KIF1A: variants seen among roughly 807,000 people sequenced by gnomAD.
KIF1A encodes the protein kinesin-like protein KIF1A.
KIF1A carries 46 observed loss-of-function variants against 227.3 expected under a neutral mutation model. The observed-to-expected ratio is 0.20, with a 90% CI of 0.16 to 0.26. KIF1A has a LOEUF of 0.26. Among genes scored for constraint, KIF1A ranks in the 10% least tolerant of loss-of-function variants. KIF1A has a pLI of 1.00. For synonymous variants in KIF1A, 1,022 were observed against 1,012.8 expected, an observed-to-expected ratio of 1.01 and a Z score of -0.17; for missense variants, 1,683 against 2,485.9, an observed-to-expected ratio of 0.68 and a Z score of 6.87.
At chr2:240,782,745 A>C in intron 9 of KIF1A, 138 bp from the exon 10 acceptor site, 1 of 917,320 alleles carries the variant, frequency 1.1e-6, no homozygotes, top group East Asian at 2.6e-5. Context: ...CCTAGACAGC[A>C]GCTCCCCCAG....
upstream of KIF1A, among the ~76,000 whole-genome samples, chr2:240,820,510 C>CG (rs1029851161): frequency 2.3e-4 from 35 of 151,682 alleles, no homozygotes; most frequent in Non-Finnish European, 4.4e-4. The surrounding 1 kb of genome is among the most constrained non-coding windows in gnomAD (Gnocchi z 6.2). Context: ...TGAGACCTCG[C>CG]GGGGGAGGGA....
At chr2:240,750,007 A>G (rs980017629) in intron 28 of KIF1A, among the ~76,000 whole-genome samples, 9 of 152,230 alleles carry the variant, frequency 5.9e-5, no homozygotes, top group Non-Finnish European at 1.3e-4. Context: ...GTGTTGACAG[A>G]GAGCACTTGC....
rs902561000 is a variant in KIF1A, at chr2:240,782,596, G to A, written c.876C>T (p.Pro292=). 17 of 1,552,576 alleles carry A rather than the reference G, an allele frequency of 1.1e-5. 1 individual carries two copies. The East Asian group carries it at 2.4e-4, about 22-fold the overall frequency. ...ISALAEMDSG[P]NKNKKKKKTD... ...GCTGAAGGAAGCCGCTTACCTTGTT[G>A]GGTCCGGAGTCCTGAAAAGGAAAAG... The change falls in exon 10 of 49, where the codon CCC becomes CCT. Residue 292 remains proline, a synonymous_variant. Transcript: ENST00000498729.
In KIF1A at chr2:240,784,001, G is replaced by T. The variant is rs1050267374; in HGVS notation, c.721-185C>A. ...AGTTTCCACCCGCACCTCCGTCCCA[G>T]CTCTCCCAAGGCCCTGCCCGAGTTG... On this transcript the variant is annotated intron_variant, in intron 7 of 48. Transcript: ENST00000498729. Among the ~76,000 whole-genome samples, 13 of 152,114 alleles carry T rather than the reference G, an allele frequency of 8.5e-5. No individual in the cohort carries two copies. The South Asian group carries it at 1.0e-3, about 12-fold the overall frequency.
Position 240,759,874 on chromosome 2 carries a change from T to C in KIF1A, c.2444+791A>G, listed in dbSNP as rs545774560. On this transcript the variant is annotated intron_variant, in intron 25 of 48. Transcript: ENST00000498729. Reference sequence around the variant, plus strand: ...AAAAAATTCAAAAATTAGCTGGGTGTCATAGTGCACTCCATTCCTGTGGTC... The same window carrying C: ...AAAAAATTCAAAAATTAGCTGGGTGCCATAGTGCACTCCATTCCTGTGGTC... Among the ~76,000 whole-genome samples the C allele has an allele frequency of 1.1e-4, 16 of 152,100 alleles. No individual in the cohort carries two copies. The South Asian group carries it at 1.5e-3, about 14-fold the overall frequency.
At chr2:240,720,757 A>T in intron 45 of KIF1A, 157 bp downstream of exon 45, 1 of 814,434 alleles carries the variant, frequency 1.2e-6, no homozygotes, top group Non-Finnish European at 1.9e-6. Flanking sequence ...AGGGCTGCGG[A>T]CTCCACTCCT....
Position 240,732,375 on chromosome 2 carries a change from GA to G in KIF1A, c.4007+4687del, listed in dbSNP as rs1347906499. 6.2e-5 allele frequency among the ~76,000 whole-genome samples: 9 copies of G among 145,594 alleles called. No individual in the cohort carries two copies. The South Asian group carries it at 9.0e-4, about 15-fold the overall frequency. On this transcript the variant is annotated intron_variant, in intron 38 of 48. Transcript: ENST00000498729. ...AGAGGGGAGGAAAAAATGAAGGGAA[GA>G]GGGGCGGAGGGAATGAAGGGAGGCA...
At chr2:240,803,350 C>T (rs1003751618) in intron 1 of KIF1A, among the ~76,000 whole-genome samples, 27 of 152,324 alleles carry the variant, frequency 1.8e-4, no homozygotes, top group African/African-American at 5.1e-4. Flanking sequence ...CCAGTGTCCC[C>T]GAGGGAGCTG....
chr2:240,733,141 T>C (rs2046944223), intron 38 of KIF1A, among the ~76,000 whole-genome samples: 1 of 151,966 alleles, frequency 6.6e-6, no homozygotes, highest in Non-Finnish European at 1.5e-5. Context: ...GTGGCTCACA[T>C]GAGTGTCTTA....
rs1215137944 is a variant in KIF1A, at chr2:240,789,343, G to A, written c.107-31C>T. ...GGAGGGAACACAGGTGGTTAGCGCT[G>A]TGCTGGGAGGGCCCCTGACTAGCTG... On this transcript the variant is annotated intron_variant, in intron 2 of 48. Coordinates refer to ENST00000498729, the MANE Select transcript of KIF1A (RefSeq NM_001244008.2). This position sits in a 1 kb window ranked among gnomAD's most constrained non-coding sequence, Gnocchi z 4.8. The A allele has an allele frequency of 5.1e-6, 8 of 1,566,684 alleles. No individual in the cohort carries two copies. In the East Asian group the frequency reaches 1.1e-4, roughly 22 times the overall value.
At chr2:240,808,254 A>G (rs1376630965) in intron 1 of KIF1A, among the ~76,000 whole-genome samples, 1 of 152,268 alleles carries the variant, frequency 6.6e-6, no homozygotes, top group Admixed American at 6.5e-5. Flanking sequence ...ATAAATCAAG[A>G]GAATCCACAG....
chr2:240,730,344 G>A (rs1032700437), intron 38 of KIF1A, among the ~76,000 whole-genome samples: 3 of 152,208 alleles, frequency 2.0e-5, no homozygotes. Flanking sequence ...ACCCAGGGAG[G>A]CTGAGAGGTG....
At chr2:240,741,781 C>G (rs1331012876) in intron 34 of KIF1A, among the ~76,000 whole-genome samples, 2 of 152,230 alleles carry the variant, frequency 1.3e-5, no homozygotes, top group African/African-American at 2.4e-5. Context: ...ACCTTGGCCA[C>G]AGCCTACTAC....
At chr2:240,762,965 G>A in intron 22 of KIF1A, 54 bp downstream of exon 22, 2 of 1,404,780 alleles carry the variant, frequency 1.4e-6, no homozygotes, top group Non-Finnish European at 1.9e-6. Context: ...GGAGGACAGG[G>A]GTCCCCTGGT....
chr2:240,772,486 C>T, intron 14 of KIF1A, 84 bp downstream of exon 14: 1 of 1,228,334 alleles, frequency 8.1e-7, no homozygotes, highest in Non-Finnish European at 1.2e-6. Flanking sequence ...TGGGGTTCAC[C>T]CCTCCCTGAC....
At chr2:240,754,623 G>T (rs539601083) in intron 27 of KIF1A, among the ~76,000 whole-genome samples, 1 of 152,340 alleles carries the variant, frequency 6.6e-6, no homozygotes, top group East Asian at 1.9e-4. Context: ...CTCCAGGGCC[G>T]CAGGTCTCAC....
rs538059775 is a variant in KIF1A, at chr2:240,745,347, A to G, written c.3465+80T>C. 2.0e-5 allele frequency: 22 copies of G among 1,091,934 alleles called. No homozygotes were observed. In the East Asian group the frequency reaches 5.3e-4, roughly 26 times the overall value. The allele number at this position is 1,091,934 out of a possible 1,614,324, so 67.6% of individuals were successfully genotyped here. On this transcript the variant is annotated intron_variant, in intron 32 of 48. Transcript: ENST00000498729. ...CTGGCCCACAACTGGTGTTCAGAAG[A>G]GGGAGAATGAGCCATGCTCAGAGAG... is the stretch of plus-strand genomic sequence containing the variant.
At chr2:240,787,433 T>G (rs2055083056) in intron 4 of KIF1A, 117 bp from the exon 5 acceptor site, 1 of 827,388 alleles carries the variant, frequency 1.2e-6, no homozygotes, top group East Asian at 2.5e-5. Flanking sequence ...CAGGCCCCTC[T>G]TGCACCCTCA....
At position 240,745,758 on chromosome 2, in the gene KIF1A, G is replaced by A. The variant is rs374009739; in HGVS notation, c.3354C>T (p.Ala1118=). The A allele has an allele frequency of 2.4e-5, 38 of 1,612,342 alleles. No homozygotes were observed. Among genetic ancestry groups the A allele is most frequent in the Middle Eastern group, 1.6e-4 (1 of 6,082 alleles). The change falls in exon 31 of 49, where the codon GCC becomes GCT. Residue 1118 remains alanine (A), a synonymous_variant. Coordinates refer to ENST00000498729, the MANE Select transcript of KIF1A (RefSeq NM_001244008.2). The part of the protein sequence containing the change: ...LQASSISAEY[A]DIFCQFNFIH... Reference sequence around the variant, plus strand: ...CTCACTTGAACTGGCAGAAGATGTCGGCATATTCGGCAGAGATGCTGGACG... The same window carrying A: ...CTCACTTGAACTGGCAGAAGATGTCAGCATATTCGGCAGAGATGCTGGACG...
Sources: gnomAD v4.1 joint callset for allele counts (sites outside exome capture counted in the v4.1 genomes callset) on GRCh38, gnomAD v4.1.1 for gene constraint, Gnocchi (gnomAD v3.1) non-coding constraint, MANE v1.5 for transcripts, NCBI Gene and HGNC (gene_info 2026-07-23, HGNC 2026-07-21) for gene names.